Variants in KIAA1549L observed in about 807,000 individuals in gnomAD.
KIAA1549L encodes KIAA1549 like, also known as UPF0606 protein KIAA1549L.
KIAA1549L carries 88 observed loss-of-function variants against 160.7 expected under a neutral mutation model. The ratio of observed to expected loss-of-function variants is 0.55; its 90% CI spans 0.46 to 0.65. The LOEUF is 0.65. Ranked by LOEUF, KIAA1549L falls within the 30% of genes least tolerant of loss-of-function variation. The pLI, the probability that KIAA1549L is intolerant of heterozygous loss-of-function variation, is 0.00. For missense variants in KIAA1549L, 2,258 were observed against 2,437.5 expected (o/e 0.93, Z 1.55); for synonymous variants, 950 against 976.7 (o/e 0.97, Z 0.51).
chr11:33,577,594 C>T (rs938152420), intron 10 of KIAA1549L, among the ~76,000 whole-genome samples: 7 of 152,118 alleles, frequency 4.6e-5, no homozygotes, highest in African/African-American at 7.2e-5. Context: ...CTTGCGGACG[C>T]TGTCTCCGAT....
At chr11:33,588,414 A>G (rs1473591579) in intron 11 of KIAA1549L, among the ~76,000 whole-genome samples, 1 of 152,156 alleles carries the variant, frequency 6.6e-6, no homozygotes, top group African/African-American at 2.4e-5. Context: ...GGAGACATTC[A>G]AGGCCCTTCA....
chr11:33,511,560 C>A (rs1421780643), intron 1 of KIAA1549L, among the ~76,000 whole-genome samples: 1 of 152,172 alleles, frequency 6.6e-6, no homozygotes, highest in African/African-American at 2.4e-5. Context: ...TGTACAGTTC[C>A]ATCAAACATT....
intron 1 of KIAA1549L, among the ~76,000 whole-genome samples, chr11:33,478,455 T>C (rs1048326719): frequency 2.0e-5 from 3 of 152,238 alleles, no homozygotes; most frequent in Non-Finnish European, 4.4e-5. Flanking sequence ...TCTGCAGAGC[T>C]GTTATAACCA....
chr11:33,630,876 G>A (rs111773170), intron 16 of KIAA1549L, among the ~76,000 whole-genome samples: 2,823 of 152,310 alleles, frequency 0.019, 107 homozygotes, highest in African/African-American at 0.063. Flanking sequence ...ATTAGCATTA[G>A]CATCTAAGCT....
chr11:33,625,993 C>A (rs1385938412), intron 16 of KIAA1549L, among the ~76,000 whole-genome samples: 1 of 150,006 alleles, frequency 6.7e-6, no homozygotes, highest in Non-Finnish European at 1.5e-5. Flanking sequence ...GCCAGTTTTC[C>A]CAGCACCATT....
At position 33,537,166 on chromosome 11, in the gene KIAA1549L, A is replaced by C. The variant is rs1853913762; in HGVS notation, c.239-4636A>C. On this transcript the variant is annotated intron_variant, in intron 1 of 20. Transcript: ENST00000658780. ...TGCATATGCTTGTTCCTTTATGTGG[A>C]ATGCTTTTCCCTACCCTCTTTGCTT... Among the ~76,000 whole-genome samples the C allele has an allele frequency of 2.0e-5, 3 of 152,220 alleles. No homozygotes were observed. In the South Asian group the frequency reaches 6.2e-4, roughly 32 times the overall value.
chr11:33,607,107 C>T (rs529010583), intron 14 of KIAA1549L, among the ~76,000 whole-genome samples: 12 of 152,202 alleles, frequency 7.9e-5, no homozygotes, highest in East Asian at 3.9e-4. Flanking sequence ...TCCTGCTCCC[C>T]GACCCCCTCA....
intron 16 of KIAA1549L, among the ~76,000 whole-genome samples, chr11:33,620,689 A>G (rs10836083): frequency 0.054 from 8,178 of 152,194 alleles, 697 homozygotes; most frequent in African/African-American, 0.18. Context: ...CCACCATGCA[A>G]TATGGCCTCT....
chr11:33,514,231 C>T (rs1166415427), intron 1 of KIAA1549L, among the ~76,000 whole-genome samples: 1 of 152,176 alleles, frequency 6.6e-6, no homozygotes, highest in Non-Finnish European at 1.5e-5. Flanking sequence ...TTGGAGTAAA[C>T]TACACGAAGA....
chr11:33,560,508 C>T (rs1228283559), intron 7 of KIAA1549L, among the ~76,000 whole-genome samples: 1 of 152,222 alleles, frequency 6.6e-6, no homozygotes, highest in African/African-American at 2.4e-5. Context: ...GGTGTGACTT[C>T]ACTTGCTGAG....
At chr11:33,650,762 C>G (rs979460888) in intron 17 of KIAA1549L, among the ~76,000 whole-genome samples, 3 of 152,188 alleles carry the variant, frequency 2.0e-5, no homozygotes, top group Non-Finnish European at 2.9e-5. Context: ...ACGCACCTGC[C>G]CCTCTCCGGT....
intron 16 of KIAA1549L, among the ~76,000 whole-genome samples, chr11:33,624,590 A>G: frequency 6.6e-6 from 1 of 151,708 alleles, no homozygotes; most frequent in South Asian, 2.1e-4. Flanking sequence ...AAAAACTTAA[A>G]TAAAGCCAAA....
At chr11:33,655,256 T>TACAC (rs147310112) in intron 17 of KIAA1549L, among the ~76,000 whole-genome samples, 158 of 150,912 alleles carry the variant, frequency 1.0e-3, no homozygotes, top group African/African-American at 3.6e-3. Context: ...GCAAAAGACA[T>TACAC]ACACACACAC....
intron 1 of KIAA1549L, among the ~76,000 whole-genome samples, chr11:33,524,384 T>C (rs1853564904): frequency 6.6e-6 from 1 of 152,134 alleles, no homozygotes; most frequent in East Asian, 1.9e-4. Flanking sequence ...TTTTACTCTT[T>C]TAATTTTTCT....
intron 9 of KIAA1549L, 95 bp downstream of exon 9, chr11:33,568,322 A>T: frequency 8.2e-7 from 1 of 1,218,918 alleles, no homozygotes; most frequent in South Asian, 1.7e-5. Flanking sequence ...TGCTCAGAGG[A>T]GCCTCCATGC....
chr11:33,588,944 C>T (rs184080908), intron 11 of KIAA1549L, among the ~76,000 whole-genome samples: 54 of 152,296 alleles, frequency 3.5e-4, no homozygotes, highest in Non-Finnish European at 5.9e-5. Flanking sequence ...CAATAAAACT[C>T]CATCCTGTTC....
chr11:33,633,646 C>G (rs55809805), intron 16 of KIAA1549L, among the ~76,000 whole-genome samples: 5,160 of 152,260 alleles, frequency 0.034, 212 homozygotes, highest in East Asian at 0.19. Context: ...CGCGAATTAG[C>G]TTTCCAAGAG....
intron 11 of KIAA1549L, among the ~76,000 whole-genome samples, chr11:33,588,320 A>G (rs1382559051): frequency 6.6e-6 from 1 of 152,194 alleles, no homozygotes; most frequent in African/African-American, 2.4e-5. Flanking sequence ...GGTGTGGTAC[A>G]AAAGGGGTCA....
intron 16 of KIAA1549L, among the ~76,000 whole-genome samples, chr11:33,637,887 T>TCA (rs1483362797): frequency 6.6e-6 from 1 of 152,222 alleles, no homozygotes; most frequent in Non-Finnish European, 1.5e-5. Flanking sequence ...AGTTAGGACT[T>TCA]CAACATAAAA....
Sources: gnomAD v4.1 joint callset for allele counts (sites outside exome capture counted in the v4.1 genomes callset) on GRCh38, gnomAD v4.1.1 for gene constraint, MANE v1.5 for transcripts, NCBI Gene and HGNC (gene_info 2026-07-23, HGNC 2026-07-21) for gene names.